NTN4: variants seen among roughly 807,000 people sequenced by gnomAD.
The protein encoded by NTN4 is netrin-4.
NTN4 carries 32 observed loss-of-function variants against 73.6 expected under a neutral mutation model. The observed-to-expected ratio is 0.44, with a 90% CI of 0.33 to 0.58. The LOEUF is 0.58. NTN4 is among the 20% of genes least tolerant of loss of function. NTN4 has a pLI of 0.04. For missense variants in NTN4, 654 were observed against 798.3 expected (o/e 0.82, Z 2.18); for synonymous variants, 258 against 287.5 (o/e 0.90, Z 1.04).
intron 3 of NTN4, among the ~76,000 whole-genome samples, chr12:95,722,454 C>T (rs989047332): frequency 5.1e-4 from 77 of 151,618 alleles, no homozygotes; most frequent in African/African-American, 1.7e-3. Flanking sequence ...GGCAATACCT[C>T]ATCTCTACAA....
intron 2 of NTN4, among the ~76,000 whole-genome samples, chr12:95,739,543 T>C (rs972427208): frequency 3.9e-5 from 6 of 152,218 alleles, no homozygotes; most frequent in African/African-American, 1.2e-4. Context: ...TCGAAGCATT[T>C]TTTAAAAATT....
intron 7 of NTN4, among the ~76,000 whole-genome samples, chr12:95,682,202 G>A (rs778612155): frequency 6.6e-6 from 1 of 151,300 alleles, no homozygotes; most frequent in Non-Finnish European, 1.5e-5. Context: ...GACTACAGGC[G>A]TGCACCACCA....
intron 2 of NTN4, among the ~76,000 whole-genome samples, chr12:95,768,088 T>C (rs2121262000): frequency 6.6e-6 from 1 of 152,216 alleles, no homozygotes; most frequent in African/African-American, 2.4e-5. Flanking sequence ...ACAACAATAG[T>C]GGAAGAGTTG....
At chr12:95,763,585 T>C (rs2079002584) in intron 2 of NTN4, among the ~76,000 whole-genome samples, 1 of 152,218 alleles carries the variant, frequency 6.6e-6, no homozygotes, top group East Asian at 1.9e-4. Context: ...TTCTACACCA[T>C]TTACCACTCT....
At chr12:95,717,427 G>A (rs1300365284) in intron 3 of NTN4, among the ~76,000 whole-genome samples, 5 of 152,106 alleles carry the variant, frequency 3.3e-5, no homozygotes, top group African/African-American at 1.2e-4. Context: ...CACATGCCAA[G>A]GATTGGGATG....
At chr12:95,776,762 C>T (rs887588260) in intron 2 of NTN4, among the ~76,000 whole-genome samples, 4 of 152,092 alleles carry the variant, frequency 2.6e-5, no homozygotes, top group Non-Finnish European at 4.4e-5. Context: ...GGAGAACTTC[C>T]CCAACCTAGC....
At chr12:95,764,575 G>T (rs2079008077) in intron 2 of NTN4, among the ~76,000 whole-genome samples, 1 of 151,146 alleles carries the variant, frequency 6.6e-6, no homozygotes, top group Non-Finnish European at 1.5e-5. Flanking sequence ...TGAGGCAGGA[G>T]AATTGCTTGA....
At chr12:95,728,367 G>C (rs1221695373) in intron 3 of NTN4, among the ~76,000 whole-genome samples, 1 of 152,146 alleles carries the variant, frequency 6.6e-6, no homozygotes, top group Non-Finnish European at 1.5e-5. Context: ...TCTGATTCCT[G>C]ATCATGGGAG....
In NTN4 at chr12:95,683,482, A is replaced by G; in HGVS notation, c.1394+16T>C. 1 of 1,608,058 alleles carries G rather than the reference A, an allele frequency of 6.2e-7. No individual in the cohort carries two copies. Among genetic ancestry groups the G allele is most frequent in the Non-Finnish European group, 8.5e-7 (1 of 1,174,896 alleles). On this transcript the variant is annotated intron_variant, in intron 6 of 9. Transcript: ENST00000343702. ...TGAAATACATGCAGCTGAGAGCAAG[A>G]GCCTTGCACATTCACCTGCTGATGC...
chr12:95,726,927 G>A (rs561219846), intron 3 of NTN4, among the ~76,000 whole-genome samples: 12 of 151,942 alleles, frequency 7.9e-5, no homozygotes, highest in South Asian at 2.1e-4. Context: ...TGGAGATTGC[G>A]CCACTGCACT....
rs991700913 is a variant in NTN4 at position 95,672,548 on chromosome 12, A to T, written c.1511-2402T>A. On this transcript the variant is annotated intron_variant, in intron 7 of 9. Transcript: ENST00000343702. ...ATTGATCAGATGTGGCCCACCTGTA[A>T]TGAGGACTTGGCGCCTCAATGAGCG... 2.6e-5 allele frequency: 40 copies of T among 1,527,542 alleles called. No individual in the cohort carries two copies. In the East Asian group the frequency reaches 9.0e-4, roughly 34 times the overall value. The allele number at this position is 1,527,542 out of a possible 1,614,324, so 94.6% of individuals were successfully genotyped here.
chr12:95,699,354 T>C (rs755199596), intron 5 of NTN4, among the ~76,000 whole-genome samples: 3 of 152,192 alleles, frequency 2.0e-5, no homozygotes, highest in Non-Finnish European at 4.4e-5. Context: ...ACATGTGTAA[T>C]TGTGGTAAGG....
intron 9 of NTN4, among the ~76,000 whole-genome samples, chr12:95,662,692 A>G (rs1464213717): frequency 6.6e-6 from 1 of 152,260 alleles, no homozygotes; most frequent in Non-Finnish European, 1.5e-5. Context: ...GGCAACCTTA[A>G]CTTCTGCATG....
intron 2 of NTN4, among the ~76,000 whole-genome samples, chr12:95,752,842 G>A (rs933617885): frequency 2.0e-5 from 3 of 152,152 alleles, no homozygotes; most frequent in Non-Finnish European, 4.4e-5. Flanking sequence ...TACTGTTAGA[G>A]GCCCTAAAAA....
intron 8 of NTN4, among the ~76,000 whole-genome samples, chr12:95,667,715 C>T (rs1402191319): frequency 2.0e-5 from 3 of 151,812 alleles, no homozygotes; most frequent in African/African-American, 7.3e-5. Context: ...AAAAATTTAG[C>T]TGGGTGTGGT....
chr12:95,693,662 C>T (rs535549138), intron 5 of NTN4, among the ~76,000 whole-genome samples: 26 of 144,864 alleles, frequency 1.8e-4, no homozygotes, highest in Admixed American at 2.9e-4. Flanking sequence ...ACCTGGGAAG[C>T]GGAGGCTGCA....
rs893506639 is a variant in NTN4 at position 95,781,544 on chromosome 12, A to G, written c.585+5395T>C. ...GGGCAATAGGATGATCTGTGCAGCA[A>G]ACCAATATGGCACACATTTACCTAT... On this transcript the variant is annotated intron_variant, in intron 2 of 9. Transcript: ENST00000343702. The surrounding 1 kb of genome is among the most constrained non-coding windows in gnomAD (Gnocchi z 4.1). Among the ~76,000 whole-genome samples, 12 of 151,860 alleles carry G rather than the reference A, an allele frequency of 7.9e-5. 1 individual carries two copies. The highest frequency in any genetic ancestry group is 3.9e-4 in the Admixed American group (6 of 15,258).
At chr12:95,675,128 G>A (rs921087567) in intron 7 of NTN4, among the ~76,000 whole-genome samples, 4 of 152,148 alleles carry the variant, frequency 2.6e-5, no homozygotes, top group African/African-American at 9.7e-5. Flanking sequence ...AAAATTCATA[G>A]TAAAGACTTG....
At chr12:95,754,902 C>T (rs1178467613) in intron 2 of NTN4, among the ~76,000 whole-genome samples, 1 of 152,124 alleles carries the variant, frequency 6.6e-6, no homozygotes, top group Non-Finnish European at 1.5e-5. Context: ...TATTATAAAG[C>T]CATCATTTGT....
Sources: gnomAD v4.1 joint callset for allele counts (sites outside exome capture counted in the v4.1 genomes callset) on GRCh38, gnomAD v4.1.1 for gene constraint, Gnocchi (gnomAD v3.1) non-coding constraint, MANE v1.5 for transcripts, NCBI Gene and HGNC (gene_info 2026-07-23, HGNC 2026-07-21) for gene names.